The following PDE8B variants were observed in gnomAD, a reference collection of about 807,000 sequenced individuals.
The protein encoded by PDE8B is high affinity cAMP-specific and IBMX-insensitive 3',5'-cyclic phosphodiesterase 8B.
Under a neutral mutation model 101.3 loss-of-function variants are expected in PDE8B, and 26 were observed. The ratio of observed to expected loss-of-function variants is 0.26; its 90% CI spans 0.19 to 0.36. The LOEUF (loss-of-function observed/expected upper bound fraction) is 0.36. Ranked by LOEUF, PDE8B falls within the 10% of genes least tolerant of loss-of-function variation. PDE8B has a pLI of 1.00. For synonymous variants in PDE8B, 424 were observed against 429.3 expected, an observed-to-expected ratio of 0.99 and a Z score of 0.15; for missense variants, 810 against 1,163.1, an observed-to-expected ratio of 0.70 and a Z score of 4.42.
At chr5:77,311,694 T>C (rs1772663530) in intron 1 of PDE8B, among the ~76,000 whole-genome samples, 1 of 152,218 alleles carries the variant, frequency 6.6e-6, no homozygotes, top group Admixed American at 6.5e-5. Flanking sequence ...AAATAGTACA[T>C]GCTTATTATA....
the PDE8B span, among the ~76,000 whole-genome samples, chr5:77,138,143 G>A: frequency 3.9e-5 from 6 of 152,110 alleles, no homozygotes; most frequent in Admixed American, 1.3e-4. Flanking sequence ...AAGTCCAAGG[G>A]CATTTATGAG....
chr5:77,243,374 A>T (rs1321680793), intron 1 of PDE8B, among the ~76,000 whole-genome samples: 1 of 152,218 alleles, frequency 6.6e-6, no homozygotes, highest in East Asian at 1.9e-4. Flanking sequence ...TTTATATACC[A>T]TAAACTTTAT....
intron 10 of PDE8B, among the ~76,000 whole-genome samples, chr5:77,360,212 G>A (rs1328189671): frequency 6.6e-6 from 1 of 152,126 alleles, no homozygotes; most frequent in Non-Finnish European, 1.5e-5. Context: ...AAGACCACTA[G>A]GATTTAAAGA....
chr5:77,397,921 C>G (rs1181263622), intron 10 of PDE8B, among the ~76,000 whole-genome samples: 1 of 152,068 alleles, frequency 6.6e-6, no homozygotes, highest in Non-Finnish European at 1.5e-5. Flanking sequence ...CCCCGCCTCC[C>G]CACACACTAA....
chr5:77,384,433 A>T (rs1248203270), intron 10 of PDE8B, among the ~76,000 whole-genome samples: 1 of 152,126 alleles, frequency 6.6e-6, no homozygotes, highest in Non-Finnish European at 1.5e-5. Context: ...AGAAAATTTG[A>T]CTTCCTCTTT....
intron 1 of PDE8B, among the ~76,000 whole-genome samples, chr5:77,222,436 A>C (rs1040610480): frequency 2.0e-5 from 3 of 152,196 alleles, no homozygotes; most frequent in Non-Finnish European, 4.4e-5. Flanking sequence ...ATCCTGACCA[A>C]CATGGTGAAA....
the PDE8B span, among the ~76,000 whole-genome samples, chr5:77,094,030 G>T: frequency 5.3e-4 from 80 of 152,198 alleles, 1 homozygote; most frequent in African/African-American, 1.8e-3. Context: ...CCATAGTCCT[G>T]GAGGTTTGGT....
At position 77,412,084 on chromosome 5, in the gene PDE8B, C is replaced by T. The variant is rs1194144284; in HGVS notation, c.1577-16C>T. The T allele has an allele frequency of 3.1e-6, 5 of 1,613,572 alleles. No homozygotes were observed. Among genetic ancestry groups the T allele is most frequent in the Non-Finnish European group, 4.2e-6 (5 of 1,179,660 alleles). ...CCACAATTAACCAGCCTCCCCCATCCCATCTGTTTGCTCAGATGTGCACCA... is the reference window on the plus strand; with the variant it reads ...CCACAATTAACCAGCCTCCCCCATCTCATCTGTTTGCTCAGATGTGCACCA... On this transcript the variant is annotated splice_polypyrimidine_tract_variant and intron_variant, in intron 15 of 21. Coordinates refer to ENST00000264917, the MANE Select transcript of PDE8B (RefSeq NM_003719.5).
chr5:77,327,867 C>G (rs970012970), intron 3 of PDE8B, among the ~76,000 whole-genome samples: 3 of 152,034 alleles, frequency 2.0e-5, no homozygotes, highest in Non-Finnish European at 4.4e-5. Flanking sequence ...TTTCCGGGAG[C>G]CTTCCCCCCA....
the PDE8B span, chr5:77,112,062 CA>C: frequency 6.6e-6 from 1 of 152,084 alleles, no homozygotes; most frequent in Non-Finnish European, 1.5e-5. Context: ...AACATGCTAT[CA>C]ATATAAAAAT....
intron 1 of PDE8B, among the ~76,000 whole-genome samples, chr5:77,245,572 G>C (rs1756684665): frequency 6.6e-6 from 1 of 152,174 alleles, no homozygotes; most frequent in African/African-American, 2.4e-5. Context: ...GGCCTCCTCT[G>C]CCTGCCTCAT....
chr5:77,169,207 G>A, the PDE8B span, among the ~76,000 whole-genome samples: 2 of 152,168 alleles, frequency 1.3e-5, no homozygotes, highest in Non-Finnish European at 2.9e-5. Context: ...AGTGTTTCCC[G>A]TAGCACCAAC....
At position 77,408,817 on chromosome 5, in the gene PDE8B, G is replaced by T. The variant is rs968802949; in HGVS notation, c.1366-76G>T. ...GATGGTTACCCACTGATTTCTTTTG[G>T]ATTCTGGGCATATATATGACTTTTG... On this transcript the variant is annotated intron_variant, in intron 13 of 21. Transcript: ENST00000264917. 136 of 1,177,774 alleles carry T rather than the reference G, an allele frequency of 1.2e-4. 1 individual carries two copies. In the African/African-American group the frequency reaches 1.7e-3, roughly 15 times the overall value. 73.0% of individuals were successfully genotyped at this position (1,177,774 alleles called of 1,614,324 possible). A position where few individuals can be genotyped will look rare whatever the true frequency, so the allele number is the denominator to read the frequency against.
chr5:77,120,200 G>T, the PDE8B span, among the ~76,000 whole-genome samples: 1 of 152,148 alleles, frequency 6.6e-6, no homozygotes, highest in African/African-American at 2.4e-5. Context: ...CCTATTTAAA[G>T]TTCTAGAATA....
At chr5:77,321,365 G>A (rs930521793) in intron 2 of PDE8B, among the ~76,000 whole-genome samples, 4 of 151,896 alleles carry the variant, frequency 2.6e-5, no homozygotes, top group Non-Finnish European at 5.9e-5. Context: ...TGGTCAGGCT[G>A]GTCTCAAACT....
chr5:77,382,319 C>G (rs186300635), intron 10 of PDE8B, among the ~76,000 whole-genome samples: 1 of 152,150 alleles, frequency 6.6e-6, no homozygotes, highest in African/African-American at 2.4e-5. Flanking sequence ...CCCCTTGTAA[C>G]TTCAGCATGC....
At chr5:77,147,203 G>A in the PDE8B span, 3 of 315,946 alleles carry the variant, frequency 9.5e-6, no homozygotes, top group Non-Finnish European at 1.9e-5. Context: ...TGTCTAGAAA[G>A]CATTTAAACC....
At chr5:77,374,053 T>G in intron 10 of PDE8B, among the ~76,000 whole-genome samples, 1 of 152,182 alleles carries the variant, frequency 6.6e-6, no homozygotes, top group Non-Finnish European at 1.5e-5. Flanking sequence ...TTTCTCCATG[T>G]TGGTCAGTCT....
chr5:77,394,318 T>C (rs1790563829), intron 10 of PDE8B, among the ~76,000 whole-genome samples: 1 of 152,080 alleles, frequency 6.6e-6, no homozygotes, highest in East Asian at 1.9e-4. Flanking sequence ...TCAGAGTCAG[T>C]CCTAGGGAAA....
Sources: allele counts gnomAD v4.1 joint callset (sites outside exome capture counted in the v4.1 genomes callset), GRCh38; gene constraint gnomAD v4.1.1; transcripts MANE v1.5; gene names NCBI Gene and HGNC (gene_info 2026-07-23, HGNC 2026-07-21).